The following SEMA3C variants were observed in gnomAD, a reference collection of about 807,000 sequenced individuals.
The protein encoded by SEMA3C is semaphorin 3C.
A neutral mutation model predicts 89.4 loss-of-function variants in SEMA3C; 47 were observed. The observed-to-expected ratio is 0.53, with a 90% CI of 0.42 to 0.67. SEMA3C has a LOEUF of 0.67. Ranked by LOEUF, SEMA3C falls within the 30% of genes least tolerant of loss-of-function variation. The pLI is 0.00. For missense variants in SEMA3C, 839 were observed against 929.1 expected, an observed-to-expected ratio of 0.90 and a Z score of 1.26; for synonymous variants, 310 against 320.2, an observed-to-expected ratio of 0.97 and a Z score of 0.34.
chr7:80,816,484 G>T (rs760116053), intron 5 of SEMA3C, among the ~76,000 whole-genome samples: 4 of 152,132 alleles, frequency 2.6e-5, no homozygotes, highest in African/African-American at 9.7e-5. Flanking sequence ...TCTGCATCAC[G>T]TGGTCATTTT....
chr7:80,860,956 CAT>C (rs1790757237), intron 2 of SEMA3C, among the ~76,000 whole-genome samples: 1 of 152,132 alleles, frequency 6.6e-6, no homozygotes, highest in African/African-American at 2.4e-5. Context: ...GTAATGTTGA[CAT>C]AGTTTATGTG....
chr7:80,799,184 C>T (rs898757513), intron 10 of SEMA3C, among the ~76,000 whole-genome samples: 5 of 152,086 alleles, frequency 3.3e-5, no homozygotes, highest in Non-Finnish European at 5.9e-5. Context: ...TCTTTTTAGA[C>T]ATCTTGTGGG....
intron 2 of SEMA3C, among the ~76,000 whole-genome samples, chr7:80,908,979 T>C (rs1438090211): frequency 6.6e-6 from 1 of 152,176 alleles, no homozygotes; most frequent in East Asian, 1.9e-4. Flanking sequence ...TTTTTCTGAC[T>C]GAACAGTTTT....
intron 11 of SEMA3C, among the ~76,000 whole-genome samples, chr7:80,792,850 C>T (rs1184676870): frequency 6.6e-6 from 1 of 152,158 alleles, no homozygotes; most frequent in Non-Finnish European, 1.5e-5. Context: ...GTAACACAAA[C>T]ACAAATTGAT....
chr7:80,885,913 G>A (rs1251697651), intron 2 of SEMA3C, among the ~76,000 whole-genome samples: 2 of 152,096 alleles, frequency 1.3e-5, no homozygotes, highest in African/African-American at 2.4e-5. Flanking sequence ...TCTTGTCATC[G>A]CACAGTATGT....
At chr7:80,916,051 C>A (rs1023618648) in intron 2 of SEMA3C, among the ~76,000 whole-genome samples, 1 of 152,114 alleles carries the variant, frequency 6.6e-6, no homozygotes, top group African/African-American at 2.4e-5. Flanking sequence ...GACCTTGCAC[C>A]TTTTATGTAT....
Position 80,882,537 on chromosome 7 carries a change from TA to T in SEMA3C, c.103+34141del, listed in dbSNP as rs1791371464. Among the ~76,000 whole-genome samples the T allele has an allele frequency of 2.1e-5, 3 of 146,184 alleles. No individual in the cohort carries two copies. In the East Asian group the frequency reaches 6.4e-4, roughly 31 times the overall value. On this transcript the variant is annotated intron_variant, in intron 2 of 17. Coordinates refer to ENST00000265361, the MANE Select transcript of SEMA3C (RefSeq NM_006379.5). ...ACCTCATAGAGCTCATGACACATAA[TA>T]GGTATTCACTGAGCATTTGGTGATT...
At chr7:80,890,200 T>C (rs1293036334) in intron 2 of SEMA3C, among the ~76,000 whole-genome samples, 1 of 152,098 alleles carries the variant, frequency 6.6e-6, no homozygotes, top group Non-Finnish European at 1.5e-5. Context: ...AATATTACTA[T>C]GGGTCAATCA....
chr7:80,815,969 A>G (rs1257919222), intron 5 of SEMA3C: 1 of 152,166 alleles, frequency 6.6e-6, no homozygotes, highest in African/African-American at 2.4e-5. Flanking sequence ...TGTTTTATTC[A>G]TTCATTTAAA....
intron 2 of SEMA3C, among the ~76,000 whole-genome samples, chr7:80,834,114 G>A (rs982922997): frequency 2.6e-5 from 4 of 152,106 alleles, no homozygotes; most frequent in Non-Finnish European, 4.4e-5. Flanking sequence ...CTCTGGCTGA[G>A]AGTATGTAGT....
intron 11 of SEMA3C, among the ~76,000 whole-genome samples, chr7:80,795,286 G>C (rs1265940466): frequency 6.6e-6 from 1 of 152,160 alleles, no homozygotes; most frequent in Non-Finnish European, 1.5e-5. Context: ...AGGGTGGAGG[G>C]ACAGAATCTT....
intron 17 of SEMA3C, among the ~76,000 whole-genome samples, chr7:80,745,915 A>G (rs1787789789): frequency 6.6e-6 from 1 of 152,124 alleles, no homozygotes; most frequent in African/African-American, 2.4e-5. Flanking sequence ...ATCATCTTTT[A>G]AGTCCTCTAA....
At chr7:80,789,693 G>T (rs929426387) in intron 11 of SEMA3C, among the ~76,000 whole-genome samples, 165 bp from the exon 12 acceptor site, 5 of 152,156 alleles carry the variant, frequency 3.3e-5, no homozygotes, top group African/African-American at 1.2e-4. Context: ...TTTACTATCT[G>T]TAGATGATTA....
At chr7:80,818,105 A>AC (rs1225520367) in intron 5 of SEMA3C, among the ~76,000 whole-genome samples, 194 bp downstream of exon 5, 12 of 152,118 alleles carry the variant, frequency 7.9e-5, no homozygotes, top group African/African-American at 2.9e-4. Flanking sequence ...AAATATATAT[A>AC]CTTTTTTAGC....
chr7:80,894,936 C>T (rs1350172281), intron 2 of SEMA3C, among the ~76,000 whole-genome samples: 1 of 152,010 alleles, frequency 6.6e-6, no homozygotes, highest in East Asian at 1.9e-4. Flanking sequence ...TCTCTTTGGG[C>T]CTCCCTCAGC....
intron 11 of SEMA3C, among the ~76,000 whole-genome samples, chr7:80,794,933 AC>A (rs1456637377): frequency 3.9e-5 from 6 of 152,180 alleles, no homozygotes; most frequent in African/African-American, 2.4e-5. Context: ...TAACAGAGCT[AC>A]CAACCGTGTT....
intron 2 of SEMA3C, among the ~76,000 whole-genome samples, chr7:80,891,860 A>G (rs1562972588): frequency 6.6e-6 from 1 of 152,142 alleles, no homozygotes; most frequent in African/African-American, 2.4e-5. Flanking sequence ...CAGAAAAGTC[A>G]TATTATTATA....
At position 80,840,547 on chromosome 7, in the gene SEMA3C, C is replaced by CGA. The variant is rs138991595; in HGVS notation, c.104-11804_104-11803dup. On this transcript the variant is annotated intron_variant, in intron 2 of 17. Transcript: ENST00000265361. ...AAAAAAAAAAAAAAAAAAAAAAGAG[C>CGA]GAGAGAGAGAGAGCGCGATGGTAAA... Among the ~76,000 whole-genome samples, 301 of 140,992 alleles carry CGA rather than the reference C, an allele frequency of 2.1e-3. 1 individual carries two copies. Among genetic ancestry groups the CGA allele is most frequent in the African/African-American group, 7.1e-3 (268 of 37,980 alleles). 92.5% of individuals were successfully genotyped at this position (140,992 alleles called of 152,430 possible).
At chr7:80,755,222 A>T (rs1264656760) in intron 15 of SEMA3C, among the ~76,000 whole-genome samples, 2 of 151,792 alleles carry the variant, frequency 1.3e-5, no homozygotes, top group Non-Finnish European at 2.9e-5. Flanking sequence ...TTATTAAAAA[A>T]GTATGATTAA....
Sources: gnomAD v4.1 joint callset for allele counts (sites outside exome capture counted in the v4.1 genomes callset) on GRCh38, gnomAD v4.1.1 for gene constraint, MANE v1.5 for transcripts, NCBI Gene and HGNC (gene_info 2026-07-23, HGNC 2026-07-21) for gene names.